Variants in CISTR observed in about 807,000 individuals in gnomAD.
CISTR encodes the protein chondrogenesis-associated transcript.
intron 1 of CISTR, among the ~76,000 whole-genome samples, chr12:53,753,970 C>T (rs1937887527): frequency 9.2e-6 from 1 of 108,774 alleles, no homozygotes; most frequent in Non-Finnish European, 2.0e-5. Flanking sequence ...GATATGTCCT[C>T]GTGGGGCGTG....
At chr12:53,755,308 GGTGTGTGTGTGTGTGTGTGT>G (rs3058893) in intron 1 of CISTR, among the ~76,000 whole-genome samples, 3 of 147,150 alleles carry the variant, frequency 2.0e-5, no homozygotes, top group African/African-American at 7.5e-5. Context: ...TCCTGTTTGG[GGTGTGTGTGTGTGTGTGTGT>G]GTGTGTGTGT....
chr12:53,754,351 G>A (rs1937891647), intron 1 of CISTR: 1 of 152,192 alleles, frequency 6.6e-6, no homozygotes, highest in South Asian at 2.1e-4. Context: ...AAGGGCATGA[G>A]GAAGAAGGTC....
intron 1 of CISTR, among the ~76,000 whole-genome samples, chr12:53,755,570 A>C (rs917098865): frequency 6.7e-6 from 1 of 148,744 alleles, no homozygotes; most frequent in Non-Finnish European, 1.5e-5. Flanking sequence ...AACTTGAAGA[A>C]ATGGAATGAC....
rs998612078 is a variant in CISTR at position 53,756,765 on chromosome 12, G to A, written n.414+49C>T. The A allele has an allele frequency of 1.3e-5, 1 of 78,210 alleles. No homozygotes were observed. The highest frequency in any genetic ancestry group is 4.9e-5 in the African/African-American group (1 of 20,374). 4.8% of individuals were successfully genotyped at this position (78,210 alleles called of 1,614,324 possible). A position where few individuals can be genotyped will look rare whatever the true frequency, so the allele number is the denominator to read the frequency against. ...GTGTGTGTGTGTACTGGGGAGGGGG[G>A]ATGAGATGGGAGGAAGTGGGGTAGG... On this transcript the variant is annotated intron_variant and non_coding_transcript_variant, in intron 1 of 2. Coordinates refer to ENST00000669269, the Ensembl canonical transcript of CISTR. This position sits in a 1 kb window ranked among gnomAD's most constrained non-coding sequence, Gnocchi z 4.0.
chr12:53,748,792 G>T (rs926335994), intron 2 of CISTR, among the ~76,000 whole-genome samples: 2 of 152,194 alleles, frequency 1.3e-5, no homozygotes, highest in Non-Finnish European at 2.9e-5. Context: ...AGCAGAGAAG[G>T]GGAGGGAGAA....
intron 1 of CISTR, among the ~76,000 whole-genome samples, chr12:53,752,132 C>T: frequency 6.6e-6 from 1 of 152,120 alleles, no homozygotes; most frequent in Non-Finnish European, 1.5e-5. Context: ...CCTCCAAGGT[C>T]CCCTCCGCTC....
chr12:53,755,758 A>G (rs966544527), intron 1 of CISTR: 1 of 152,164 alleles, frequency 6.6e-6, no homozygotes, highest in Non-Finnish European at 1.5e-5. Context: ...GCTGCACACC[A>G]TTTCTCCTGG....
At chr12:53,747,243 G>A (rs1235914738) in intron 2 of CISTR, among the ~76,000 whole-genome samples, 1 of 152,210 alleles carries the variant, frequency 6.6e-6, no homozygotes, top group Non-Finnish European at 1.5e-5. Context: ...TCGGCAGGGA[G>A]ATGGATTGGC....
intron 1 of CISTR, among the ~76,000 whole-genome samples, chr12:53,753,052 T>TCTCACACACACACA (rs1442599901): frequency 6.1e-4 from 74 of 121,324 alleles, no homozygotes; most frequent in African/African-American, 1.9e-3. Flanking sequence ...CATCTATACA[T>TCTCACACACACACA]CACACACACA....
intron 2 of CISTR, among the ~76,000 whole-genome samples, chr12:53,749,362 C>T (rs1937819984): frequency 6.7e-6 from 1 of 150,118 alleles, no homozygotes; most frequent in South Asian, 2.1e-4. Context: ...TGCAGGAGGG[C>T]GAGAGGGGCA....
intron 2 of CISTR, among the ~76,000 whole-genome samples, chr12:53,749,453 G>A (rs1003838497): frequency 1.1e-4 from 17 of 152,010 alleles, no homozygotes; most frequent in African/African-American, 4.1e-4. Flanking sequence ...CTATCTACCT[G>A]GAGATGCTGG....
rs751061648 is a variant in CISTR, at chr12:53,753,085, CACACAG to C, written n.415-2126_415-2121del. On this transcript the variant is annotated intron_variant and non_coding_transcript_variant, in intron 1 of 2. Transcript: ENST00000669269. Reference sequence around the variant, plus strand: ...ACACACACACACACACACACACACACACACAGAGAGAGACACACGTGTCCTTTGAGA... The same window carrying C: ...ACACACACACACACACACACACACACAGAGAGACACACGTGTCCTTTGAGA... Among the ~76,000 whole-genome samples, 67 of 133,644 alleles carry C rather than the reference CACACAG, an allele frequency of 5.0e-4. 2 individuals are homozygous for C. The highest frequency in any genetic ancestry group is 2.4e-3 in the South Asian group (11 of 4,502). The allele number at this position is 133,644 out of a possible 152,430, so 87.7% of individuals were successfully genotyped here.
intron 1 of CISTR, among the ~76,000 whole-genome samples, chr12:53,753,702 G>GTGTGTGTA (rs1278700969): frequency 4.1e-5 from 5 of 122,200 alleles, no homozygotes; most frequent in South Asian, 2.6e-4. Context: ...GTGTGTGTGT[G>GTGTGTGTA]TATGTGTGTG....
chr12:53,749,873 G>T (rs1265242565), intron 2 of CISTR, among the ~76,000 whole-genome samples: 1 of 152,182 alleles, frequency 6.6e-6, no homozygotes, highest in Non-Finnish European at 1.5e-5. Context: ...AGACATAGAG[G>T]AGGGTGTGCC....
chr12:53,755,311 GTGT>G (rs1937902598), intron 1 of CISTR, among the ~76,000 whole-genome samples: 6 of 116,644 alleles, frequency 5.1e-5, no homozygotes, highest in Non-Finnish European at 9.3e-5. Context: ...TGTTTGGGGT[GTGT>G]GTGTGTGTGT....
chr12:53,749,130 G>A (rs1452209933), intron 2 of CISTR, among the ~76,000 whole-genome samples: 2 of 151,964 alleles, frequency 1.3e-5, no homozygotes, highest in African/African-American at 4.8e-5. Context: ...GAGAACAGAA[G>A]AAAGATGGAA....
rs1447212041 is a variant in CISTR at position 53,751,414 on chromosome 12, C to G, written n.415-449G>C. ...CCCAGCCCTGTCGCCTCCCACCCCC[C>G]TTCCGGCCGCGGCAGTTTCCGAAAT... On this transcript the variant is annotated intron_variant and non_coding_transcript_variant, in intron 1 of 2. Transcript: ENST00000669269. The surrounding 1 kb of genome is among the most constrained non-coding windows in gnomAD (Gnocchi z 4.6). Among the ~76,000 whole-genome samples the G allele has an allele frequency of 6.6e-6, 1 of 152,230 alleles. No homozygotes were observed. The highest frequency in any genetic ancestry group is 2.4e-5 in the African/African-American group (1 of 41,460).
In CISTR at chr12:53,756,274, A is replaced by G. The variant is rs555248702; in HGVS notation, n.414+540T>C. Among the ~76,000 whole-genome samples the G allele has an allele frequency of 6.6e-6, 1 of 152,180 alleles. No homozygotes were observed. The highest frequency in any genetic ancestry group is 1.9e-4 in the East Asian group (1 of 5,176). ...TTCTTTGGGGATGAAGCACCTGATA[A>G]ATGAGGACCTGGAACTCCTTACAAT... On this transcript the variant is annotated intron_variant and non_coding_transcript_variant, in intron 1 of 2. Transcript: ENST00000669269. This position sits in a 1 kb window ranked among gnomAD's most constrained non-coding sequence, Gnocchi z 4.0.
exon 3 of CISTR, among the ~76,000 whole-genome samples, chr12:53,746,698 C>T (rs1937785039): frequency 6.6e-6 from 1 of 152,200 alleles, no homozygotes. Context: ...GCAGCCCAGC[C>T]TGGCCTTGCC....
Sources: gnomAD v4.1 joint callset for allele counts (sites outside exome capture counted in the v4.1 genomes callset) on GRCh38, gnomAD v4.1.1 for gene constraint, Gnocchi (gnomAD v3.1) non-coding constraint, MANE v1.5 for transcripts, NCBI Gene and HGNC (gene_info 2026-07-23, HGNC 2026-07-21) for gene names.